QTGAL: variants seen among roughly 807,000 people sequenced by gnomAD.
QTGAL encodes the protein queuosine-tRNA galactosyltransferase, also known as BGnT-like protein 1.
the QTGAL span, chr17:83,030,922 G>A: frequency 6.6e-6 from 1 of 152,290 alleles, no homozygotes; most frequent in Non-Finnish European, 1.5e-5. Context: ...GAAGGGAAAA[G>A]AAAACCTGGT....
the QTGAL span, among the ~76,000 whole-genome samples, chr17:82,998,369 G>T: frequency 1.1e-4 from 16 of 152,184 alleles, no homozygotes; most frequent in African/African-American, 3.9e-4. Flanking sequence ...GTTTTGAGAC[G>T]GAGTTTCACT....
At chr17:82,988,406 AC>A in the QTGAL span, among the ~76,000 whole-genome samples, 18 of 152,260 alleles carry the variant, frequency 1.2e-4, no homozygotes, top group African/African-American at 4.3e-4. Flanking sequence ...CAAAAACCCT[AC>A]AAGAAACTCT....
the QTGAL span, among the ~76,000 whole-genome samples, chr17:83,000,328 A>G: frequency 6.6e-6 from 1 of 152,216 alleles, no homozygotes; most frequent in Non-Finnish European, 1.5e-5. Flanking sequence ...GGAGATGATC[A>G]GCCTCACCCA....
At chr17:83,033,744 T>G in the QTGAL span, among the ~76,000 whole-genome samples, 12 of 152,184 alleles carry the variant, frequency 7.9e-5, no homozygotes, top group Non-Finnish European at 1.3e-4. Flanking sequence ...GTGCTGGGAT[T>G]ACAGGCGTGA....
chr17:83,012,838 ACT>A, the QTGAL span, among the ~76,000 whole-genome samples: 1 of 151,092 alleles, frequency 6.6e-6, no homozygotes, highest in East Asian at 2.0e-4. Flanking sequence ...GTCTGTGATC[ACT>A]CTCTGTTTCC....
At chr17:82,997,121 G>A in the QTGAL span, among the ~76,000 whole-genome samples, 4 of 152,152 alleles carry the variant, frequency 2.6e-5, no homozygotes, top group African/African-American at 7.2e-5. Flanking sequence ...CCCACAGAAT[G>A]GGAGAAAATA....
chr17:82,996,003 A>G, the QTGAL span, among the ~76,000 whole-genome samples: 1 of 152,232 alleles, frequency 6.6e-6, no homozygotes, highest in Admixed American at 6.5e-5. Context: ...AGTGATAACT[A>G]AAATAAAATT....
At chr17:83,051,648 A>T in the QTGAL span, 13,007 of 1,251,294 alleles carry the variant, frequency 0.01, 601 homozygotes, top group Admixed American at 0.11. Context: ...GGGGCTGCGA[A>T]CCCCGGAGCG....
At chr17:83,009,692 G>A in the QTGAL span, among the ~76,000 whole-genome samples, 2 of 152,154 alleles carry the variant, frequency 1.3e-5, no homozygotes, top group African/African-American at 2.4e-5. Context: ...GAACCCAGGT[G>A]AGGTGCCCTC....
the QTGAL span, among the ~76,000 whole-genome samples, chr17:82,994,125 TTAG>T: frequency 6.6e-6 from 1 of 151,618 alleles, no homozygotes; most frequent in Non-Finnish European, 1.5e-5. Flanking sequence ...AAACCCAAAA[TTAG>T]TAGAAGAAAA....
the QTGAL span, among the ~76,000 whole-genome samples, chr17:82,964,875 G>A: frequency 7.1e-5 from 5 of 70,470 alleles, 1 homozygote; most frequent in Non-Finnish European, 5.9e-5. Flanking sequence ...GCACCCCCAC[G>A]GGGGGGACGG....
the QTGAL span, among the ~76,000 whole-genome samples, chr17:83,041,736 G>C: frequency 2.0e-5 from 3 of 152,216 alleles, no homozygotes; most frequent in Non-Finnish European, 4.4e-5. Context: ...GGTTTCTACT[G>C]AATTTGTGTT....
chr17:83,019,213 G>T, the QTGAL span, among the ~76,000 whole-genome samples: 1 of 152,172 alleles, frequency 6.6e-6, no homozygotes, highest in East Asian at 1.9e-4. Flanking sequence ...TGGCCACAAT[G>T]GAGGCAGGAC....
chr17:83,010,049 G>A, the QTGAL span, among the ~76,000 whole-genome samples: 2 of 121,806 alleles, frequency 1.6e-5, no homozygotes, highest in African/African-American at 6.2e-5. Flanking sequence ...CCGGCGGGGG[G>A]CTGGGGGGGC....
chr17:82,970,569 CACCCGGCGTGGCCGCGACCTCCG>C, the QTGAL span, among the ~76,000 whole-genome samples: 2 of 133,112 alleles, frequency 1.5e-5, no homozygotes, highest in African/African-American at 3.5e-5. Context: ...GCGACCTCCG[CACCCGGCGTGGCCGCGACCTCCG>C]CACCCGGCGT....
chr17:82,968,722 G>A, the QTGAL span, among the ~76,000 whole-genome samples: 5 of 152,350 alleles, frequency 3.3e-5, no homozygotes, highest in African/African-American at 9.6e-5. Context: ...CTTGTTGGCC[G>A]GGCGCGGTGG....
the QTGAL span, among the ~76,000 whole-genome samples, chr17:83,027,057 A>G: frequency 1.2e-3 from 141 of 119,198 alleles, no homozygotes; most frequent in Middle Eastern, 5.1e-3. Flanking sequence ...CACGCAGAGC[A>G]GGGCGGGGAG....
chr17:83,044,537 A>G, the QTGAL span, among the ~76,000 whole-genome samples: 136 of 152,384 alleles, frequency 8.9e-4, no homozygotes, highest in African/African-American at 3.2e-3. Context: ...TCATATTCAA[A>G]GGTGAAAGAC....
the QTGAL span, among the ~76,000 whole-genome samples, chr17:82,972,397 G>C: frequency 7.9e-6 from 1 of 125,926 alleles, no homozygotes; most frequent in African/African-American, 3.5e-5. Context: ...CACACCACAG[G>C]GGCTAGAAGG....
Sources: gnomAD v4.1 joint callset for allele counts (sites outside exome capture counted in the v4.1 genomes callset) on GRCh38, gnomAD v4.1.1 for gene constraint, MANE v1.5 for transcripts, NCBI Gene and HGNC (gene_info 2026-07-23, HGNC 2026-07-21) for gene names.